The following NTM variants were observed in gnomAD, a reference collection of about 807,000 sequenced individuals.
NTM encodes neurotrimin.
NTM carries 13 observed loss-of-function variants against 42.1 expected under a neutral mutation model. The ratio of observed to expected loss-of-function variants is 0.31; its 90% CI spans 0.20 to 0.49. The LOEUF (loss-of-function observed/expected upper bound fraction) is 0.49. NTM is among the 20% of genes least tolerant of loss of function. NTM has a pLI of 0.99. For missense variants in NTM, 373 were observed against 452.8 expected, an observed-to-expected ratio of 0.82 and a Z score of 1.60; for synonymous variants, 187 against 179.2, an observed-to-expected ratio of 1.04 and a Z score of -0.35.
intron 3 of NTM, among the ~76,000 whole-genome samples, chr11:132,154,308 A>G (rs753817682): frequency 7.2e-5 from 11 of 152,228 alleles, no homozygotes; most frequent in Non-Finnish European, 1.3e-4. Flanking sequence ...GAACATGACA[A>G]ACACCTAAGT....
intron 7 of NTM, among the ~76,000 whole-genome samples, chr11:132,315,844 G>A (rs1046792872): frequency 6.6e-6 from 1 of 152,194 alleles, no homozygotes; most frequent in Non-Finnish European, 1.5e-5. Flanking sequence ...CCGAGCCAGT[G>A]GCTTGGAATG....
intron 2 of NTM, among the ~76,000 whole-genome samples, chr11:132,055,334 G>T (rs1408858229): frequency 6.6e-6 from 1 of 152,166 alleles, no homozygotes; most frequent in Admixed American, 6.5e-5. Context: ...GGTGAGGCCG[G>T]CATGCCCAGG....
At chr11:131,425,521 C>A (rs932544902) in intron 1 of NTM, among the ~76,000 whole-genome samples, 19 of 152,188 alleles carry the variant, frequency 1.2e-4, no homozygotes, top group African/African-American at 3.9e-4. Flanking sequence ...AAGCCAGGGT[C>A]GAATATTGGC....
intron 1 of NTM, among the ~76,000 whole-genome samples, chr11:131,745,940 T>C (rs1023962832): frequency 1.3e-5 from 2 of 152,144 alleles, no homozygotes; most frequent in African/African-American, 4.8e-5. Context: ...CAAGGAAATA[T>C]GCTCATTCTC....
At chr11:132,259,016 A>G (rs191146766) in intron 4 of NTM, among the ~76,000 whole-genome samples, 92 of 152,176 alleles carry the variant, frequency 6.0e-4, no homozygotes, top group Non-Finnish European at 1.1e-3. Context: ...TGCTAGAAAT[A>G]TTACTCATCT....
chr11:131,950,325 G>T (rs566682441), intron 2 of NTM, among the ~76,000 whole-genome samples: 1 of 152,308 alleles, frequency 6.6e-6, no homozygotes, highest in South Asian at 2.1e-4. Context: ...ATAACACGTG[G>T]ATTCCCTTGC....
chr11:131,579,716 G>A (rs561709810), intron 1 of NTM, among the ~76,000 whole-genome samples: 1 of 152,308 alleles, frequency 6.6e-6, no homozygotes, highest in Admixed American at 6.5e-5. Context: ...TACATCCAAA[G>A]TCAATGCAAG....
chr11:131,789,624 AGAAGAAGAAGAAAAG>A, intron 1 of NTM, among the ~76,000 whole-genome samples: 1 of 87,794 alleles, frequency 1.1e-5, no homozygotes, highest in Non-Finnish European at 2.3e-5. Flanking sequence ...AAGAAGAAGA[AGAAGAAGAAGAAAAG>A]AAGAAGAAGA....
At chr11:131,588,567 T>C (rs1221260694) in intron 1 of NTM, among the ~76,000 whole-genome samples, 1 of 152,216 alleles carries the variant, frequency 6.6e-6, no homozygotes, top group African/African-American at 2.4e-5. Flanking sequence ...AAACCAGTGA[T>C]AGCCAGAGGG....
rs529730635 is a variant in NTM, at chr11:132,151,193, A to G, written c.400+4679A>G. Among the ~76,000 whole-genome samples, 8 of 152,284 alleles carry G rather than the reference A, an allele frequency of 5.3e-5. No individual in the cohort carries two copies. The East Asian group carries it at 1.5e-3, about 29-fold the overall frequency. On this transcript the variant is annotated intron_variant, in intron 3 of 8. Coordinates refer to ENST00000683400, the MANE Select transcript of NTM (RefSeq NM_001352005.2). ...ATTGTACATCTGAAAAAGCCATACTACTGTCTCCATTGTTCCTTTGGACAA... is the reference window on the plus strand; with the variant it reads ...ATTGTACATCTGAAAAAGCCATACTGCTGTCTCCATTGTTCCTTTGGACAA...
intron 3 of NTM, chr11:132,211,728 G>T (rs1041145158): frequency 1.5e-5 from 4 of 267,472 alleles, no homozygotes; most frequent in Non-Finnish European, 2.9e-5. Flanking sequence ...TTGGAGGTGG[G>T]TGGGGGTGAG....
intron 7 of NTM, among the ~76,000 whole-genome samples, chr11:132,319,606 T>G (rs1205223871): frequency 2.0e-5 from 3 of 152,170 alleles, no homozygotes. Flanking sequence ...GTTGTTTGAT[T>G]AGGTAAAGCA....
chr11:131,490,493 G>A (rs575789186), intron 1 of NTM, among the ~76,000 whole-genome samples: 2 of 152,330 alleles, frequency 1.3e-5, no homozygotes, highest in South Asian at 4.1e-4. Context: ...ACCCAATGCT[G>A]CTCCACATGG....
intron 1 of NTM, among the ~76,000 whole-genome samples, chr11:131,495,402 C>T (rs1316409410): frequency 6.6e-6 from 1 of 152,220 alleles, no homozygotes; most frequent in Non-Finnish European, 1.5e-5. Context: ...TGATTGCAAT[C>T]ATGCTGATTG....
chr11:131,938,810 T>A (rs1036435137), intron 2 of NTM, among the ~76,000 whole-genome samples: 10 of 152,048 alleles, frequency 6.6e-5, no homozygotes, highest in Non-Finnish European at 1.2e-4. Flanking sequence ...GATGCTGGAA[T>A]TTGTGATGAG....
At chr11:131,533,880 T>C (rs1011018676) in intron 1 of NTM, 2 of 152,228 alleles carry the variant, frequency 1.3e-5, no homozygotes, top group African/African-American at 4.8e-5. Context: ...GTATTTGCTG[T>C]GTTTTCCCAT....
At chr11:132,141,787 A>G (rs2069209178) in intron 2 of NTM, among the ~76,000 whole-genome samples, 1 of 152,210 alleles carries the variant, frequency 6.6e-6, no homozygotes, top group Non-Finnish European at 1.5e-5. Flanking sequence ...TGCCTTTTCC[A>G]GGCTTTATTT....
At chr11:131,915,042 T>C (rs1156336166) in intron 2 of NTM, among the ~76,000 whole-genome samples, 1 of 152,246 alleles carries the variant, frequency 6.6e-6, no homozygotes, top group Non-Finnish European at 1.5e-5. Flanking sequence ...ACAATCACGT[T>C]AATAAGATAC....
chr11:131,413,258 A>G (rs764172811), intron 1 of NTM, among the ~76,000 whole-genome samples: 2 of 152,192 alleles, frequency 1.3e-5, no homozygotes, highest in Non-Finnish European at 2.9e-5. Context: ...TGAACTAATC[A>G]TTTTCCAAAA....
Sources: gnomAD v4.1 joint callset for allele counts (sites outside exome capture counted in the v4.1 genomes callset) on GRCh38, gnomAD v4.1.1 for gene constraint, MANE v1.5 for transcripts, NCBI Gene and HGNC (gene_info 2026-07-23, HGNC 2026-07-21) for gene names.